PDE1A: variants seen among roughly 807,000 people sequenced by gnomAD.
PDE1A encodes the protein phosphodiesterase 1A.
PDE1A carries 35 observed loss-of-function variants against 61.7 expected under a neutral mutation model. That is an observed-to-expected ratio of 0.57 (90% CI 0.43 to 0.75). The LOEUF is 0.75. Ranked by LOEUF, PDE1A falls within the 30% of genes least tolerant of loss-of-function variation. The pLI, the probability that PDE1A is intolerant of heterozygous loss-of-function variation, is 0.00. For synonymous variants in PDE1A, 232 were observed against 213.2 expected (o/e 1.09, Z -0.77); for missense variants, 597 against 630.6 (o/e 0.95, Z 0.57).
At position 182,151,887 on chromosome 2, in the gene PDE1A, C is replaced by T. The variant is rs183210267; in HGVS notation, c.1517-4735G>A. Among the ~76,000 whole-genome samples, 96 of 152,266 alleles carry T rather than the reference C, an allele frequency of 6.3e-4. 1 individual carries two copies. Among genetic ancestry groups the T allele is most frequent in the African/African-American group, 2.2e-3 (90 of 41,546 alleles). ...AAGTGGGAAAATCATCATTATGATT[C>T]TCATTTTAGAGATGAGAAAGACATG... On this transcript the variant is annotated intron_variant, in intron 13 of 13. Transcript: ENST00000409365.
At chr2:182,238,556 G>T (rs369369343) in intron 3 of PDE1A, among the ~76,000 whole-genome samples, 1 of 152,172 alleles carries the variant, frequency 6.6e-6, no homozygotes, top group East Asian at 1.9e-4. Flanking sequence ...GAAGCAACAA[G>T]ACTTCAAGTA....
intron 1 of PDE1A, among the ~76,000 whole-genome samples, chr2:182,344,751 C>T (rs1698413626): frequency 4.2e-5 from 1 of 23,878 alleles, no homozygotes; most frequent in Non-Finnish European, 7.0e-5. Flanking sequence ...CTCTCTCTCT[C>T]ACACACACAC....
chr2:182,467,936 T>C (rs1186103357), intron 2 of PDE1A, among the ~76,000 whole-genome samples: 1 of 152,044 alleles, frequency 6.6e-6, no homozygotes, highest in African/African-American at 2.4e-5. Context: ...CAGTAATTTA[T>C]TAAGTGTGAA....
intron 13 of PDE1A, among the ~76,000 whole-genome samples, chr2:182,178,418 A>G (rs1324500924): frequency 3.9e-5 from 6 of 152,124 alleles, no homozygotes; most frequent in Admixed American, 1.3e-4. Flanking sequence ...TTCACCCCCT[A>G]TGAAACCAAA....
the PDE1A span, among the ~76,000 whole-genome samples, chr2:182,568,855 A>G: frequency 6.6e-6 from 1 of 152,044 alleles, no homozygotes; most frequent in African/African-American, 2.4e-5. Context: ...TTTATTTCCT[A>G]TAGGCCAGGC....
At chr2:182,653,834 G>GA in the PDE1A span, among the ~76,000 whole-genome samples, 5 of 152,108 alleles carry the variant, frequency 3.3e-5, no homozygotes, top group African/African-American at 1.2e-4. Context: ...CTGAAACTCT[G>GA]AAACTTTATA....
At chr2:182,164,136 GAC>G (rs1234923806), downstream of PDE1A, among the ~76,000 whole-genome samples, 6 of 152,170 alleles carry the variant, frequency 3.9e-5, no homozygotes, top group Non-Finnish European at 7.4e-5. Context: ...AAGTTGGGGA[GAC>G]ACAGCAGTAT....
intron 13 of PDE1A, among the ~76,000 whole-genome samples, chr2:182,147,630 C>T (rs1397602521): frequency 1.3e-5 from 2 of 152,038 alleles, no homozygotes; most frequent in African/African-American, 4.8e-5. Context: ...ACTCAGTTTC[C>T]ATATAAACTT....
chr2:182,511,931 C>T (rs141970158), intron 2 of PDE1A, among the ~76,000 whole-genome samples: 110 of 152,324 alleles, frequency 7.2e-4, no homozygotes, highest in African/African-American at 2.5e-3. Context: ...CTTGCCAACA[C>T]ATGTTCACAA....
intron 13 of PDE1A, among the ~76,000 whole-genome samples, chr2:182,182,385 G>A (rs1684838785): frequency 1.3e-5 from 2 of 152,020 alleles, no homozygotes; most frequent in South Asian, 2.1e-4. Context: ...CACACATACT[G>A]CCACAATCTT....
At chr2:182,167,119 G>C (rs1691690356), downstream of PDE1A, among the ~76,000 whole-genome samples, 1 of 152,064 alleles carries the variant, frequency 6.6e-6, no homozygotes, top group South Asian at 2.1e-4. Context: ...TGAAACAAAA[G>C]TTACTTCCAG....
At chr2:182,703,221 A>T in the PDE1A span, among the ~76,000 whole-genome samples, 1 of 152,182 alleles carries the variant, frequency 6.6e-6, no homozygotes, top group Non-Finnish European at 1.5e-5. Flanking sequence ...TAACTCTTCA[A>T]TCTCTAGTGG....
chr2:182,539,762 A>G, the PDE1A span, among the ~76,000 whole-genome samples: 1 of 152,204 alleles, frequency 6.6e-6, no homozygotes, highest in Admixed American at 6.5e-5. Context: ...TGCAATGGGC[A>G]TTGAATGACA....
intron 1 of PDE1A, among the ~76,000 whole-genome samples, chr2:182,376,338 ATTCCC>A (rs1190840193): frequency 6.6e-6 from 1 of 152,142 alleles, no homozygotes; most frequent in Non-Finnish European, 1.5e-5. Context: ...CTTCTGCCAG[ATTCCC>A]TACATCATCT....
intron 13 of PDE1A, among the ~76,000 whole-genome samples, chr2:182,151,444 T>C (rs986569045): frequency 2.0e-5 from 3 of 152,110 alleles, no homozygotes; most frequent in Non-Finnish European, 1.5e-5. Flanking sequence ...TGAACAATTG[T>C]GGAAGCTGAG....
chr2:182,258,146 C>T (rs571316509), intron 2 of PDE1A, among the ~76,000 whole-genome samples: 50 of 148,306 alleles, frequency 3.4e-4, no homozygotes, highest in African/African-American at 1.1e-3. Context: ...CCAGCCTAGG[C>T]GACAGTATGA....
At chr2:182,185,690 G>A in intron 13 of PDE1A, 2 of 889,378 alleles carry the variant, frequency 2.2e-6, no homozygotes, top group East Asian at 5.6e-5. Context: ...TGCAGCCCAT[G>A]TGGCACAAAC....
chr2:182,408,521 A>G lies in PDE1A; in HGVS notation c.53+18057T>C, dbSNP rs145450133. 5.3e-5 allele frequency among the ~76,000 whole-genome samples: 8 copies of G among 152,322 alleles called. No individual in the cohort carries two copies. In the South Asian group the frequency reaches 8.3e-4, roughly 16 times the overall value. On this transcript the variant is annotated intron_variant, in intron 1 of 13. Coordinates refer to ENST00000351439, the Ensembl canonical transcript of PDE1A. ...TATCCCTTAGCCATGGCCCTGACCT[A>G]TCACCTGCTACAGACCCTTAACTAT...
the PDE1A span, among the ~76,000 whole-genome samples, chr2:182,646,213 C>T: frequency 2.6e-5 from 4 of 151,520 alleles, no homozygotes; most frequent in Non-Finnish European, 5.9e-5. Flanking sequence ...TTTCAGAGGC[C>T]GAGGCAGGTA....
Sources: gnomAD v4.1 joint callset for allele counts (sites outside exome capture counted in the v4.1 genomes callset) on GRCh38, gnomAD v4.1.1 for gene constraint, MANE v1.5 for transcripts, NCBI Gene and HGNC (gene_info 2026-07-23, HGNC 2026-07-21) for gene names.